Variants in CD226 observed in about 807,000 individuals in gnomAD.
CD226 encodes CD226 molecule.
Under a neutral mutation model 34.9 loss-of-function variants are expected in CD226, and 24 were observed. That is an observed-to-expected ratio of 0.69 (90% CI 0.50 to 0.97). The LOEUF (loss-of-function observed/expected upper bound fraction) is 0.97. Ranked by LOEUF, CD226 falls within the 50% of genes least tolerant of loss-of-function variation. CD226 has a pLI of 0.00. For missense variants in CD226, 397 were observed against 412.7 expected, an observed-to-expected ratio of 0.96 and a Z score of 0.33; for synonymous variants, 148 against 147.4, an observed-to-expected ratio of 1.00 and a Z score of -0.03.
chr18:69,864,152 A>G lies in CD226; in HGVS notation c.*162T>C. 4.8e-6 allele frequency: 3 copies of G among 624,662 alleles called. No homozygotes were observed. Among genetic ancestry groups the G allele is most frequent in the South Asian group, 4.3e-5 (2 of 46,774 alleles). 38.7% of individuals were successfully genotyped at this position (624,662 alleles called of 1,614,324 possible). On this transcript the variant is annotated 3_prime_UTR_variant, in exon 6 of 6. Transcript: ENST00000582621. ...GAGTCAGGTTTTCTGAAACAGTTCT[A>G]TGAAAAATGATTTTAGGTAATGAAG...
chr18:69,877,522 C>T (rs933128598), intron 3 of CD226, among the ~76,000 whole-genome samples: 1 of 152,150 alleles, frequency 6.6e-6, no homozygotes, highest in East Asian at 1.9e-4. Flanking sequence ...ATCATCTAAA[C>T]CCAGCAAGTC....
At chr18:69,928,535 G>A (rs555480759) in intron 2 of CD226, among the ~76,000 whole-genome samples, 1 of 152,250 alleles carries the variant, frequency 6.6e-6, no homozygotes, top group Admixed American at 6.5e-5. Context: ...CTGTTTTAGG[G>A]GTGGGACAAT....
intron 1 of CD226, among the ~76,000 whole-genome samples, chr18:69,956,074 C>T (rs1000788718): frequency 3.3e-5 from 5 of 152,138 alleles, no homozygotes; most frequent in Non-Finnish European, 7.3e-5. Flanking sequence ...TTCCAGTCAA[C>T]GCAAAGACTC....
At position 69,896,053 on chromosome 18, in the gene CD226, G is replaced by C; in HGVS notation, c.383-8C>G. The C allele has an allele frequency of 1.2e-6, 2 of 1,600,008 alleles. No homozygotes were observed. The highest frequency in any genetic ancestry group is 1.7e-6 in the Non-Finnish European group (2 of 1,175,172). On this transcript the variant is annotated splice_region_variant and splice_polypyrimidine_tract_variant and intron_variant, in intron 2 of 5. Transcript: ENST00000582621. ...CAGCTGCCTCAAAACTATCTGAAAA[G>C]AAGAAGCAAATGATTAGATACAGGT... is the stretch of plus-strand genomic sequence containing the variant.
chr18:69,958,355 A>ATTGTGATCACAATCCCAATTCCATC (rs2055912697), upstream of CD226, among the ~76,000 whole-genome samples: 1 of 152,138 alleles, frequency 6.6e-6, no homozygotes, highest in Admixed American at 6.5e-5. Flanking sequence ...AGGTTTCCAT[A>ATTGTGATCACAATCCCAATTCCATC]TTGTGATCAC....
At chr18:69,903,347 G>T (rs1245268930) in intron 2 of CD226, among the ~76,000 whole-genome samples, 2 of 152,156 alleles carry the variant, frequency 1.3e-5, no homozygotes, top group African/African-American at 4.8e-5. Flanking sequence ...GAGAATGCAA[G>T]CTCCTGCCTA....
At chr18:69,892,779 A>G (rs1040637717) in intron 3 of CD226, among the ~76,000 whole-genome samples, 6 of 151,312 alleles carry the variant, frequency 4.0e-5, no homozygotes, top group Non-Finnish European at 7.4e-5. Context: ...CTGTGTGTGC[A>G]TGTGTGTGTG....
At chr18:69,926,792 A>G (rs999068925) in intron 2 of CD226, among the ~76,000 whole-genome samples, 2 of 152,206 alleles carry the variant, frequency 1.3e-5, no homozygotes, top group East Asian at 3.8e-4. Flanking sequence ...CTTTCTATAC[A>G]TGAGTAAACT....
chr18:69,944,354 A>AT (rs1393374310), intron 2 of CD226: 1 of 152,138 alleles, frequency 6.6e-6, no homozygotes, highest in South Asian at 2.1e-4. Flanking sequence ...TCCACATTGT[A>AT]TTTTTTTAAG....
chr18:69,959,830 C>A (rs2055921276), upstream of CD226, among the ~76,000 whole-genome samples: 12 of 152,258 alleles, frequency 7.9e-5, no homozygotes, highest in South Asian at 2.5e-3. Context: ...CACAGCCAGG[C>A]ATGAGAGGGA....
At chr18:69,874,899 T>C (rs1204540805) in intron 3 of CD226, among the ~76,000 whole-genome samples, 1 of 152,220 alleles carries the variant, frequency 6.6e-6, no homozygotes, top group African/African-American at 2.4e-5. Context: ...CTGTCACACA[T>C]GATATGATTT....
intron 2 of CD226, among the ~76,000 whole-genome samples, chr18:69,929,736 C>A (rs553507594): frequency 6.6e-6 from 1 of 152,166 alleles, no homozygotes; most frequent in African/African-American, 2.4e-5. Context: ...AACCCCACTC[C>A]GGAGCTTCTC....
chr18:69,913,137 G>A (rs967605548), intron 2 of CD226, among the ~76,000 whole-genome samples: 7 of 152,112 alleles, frequency 4.6e-5, no homozygotes, highest in African/African-American at 9.7e-5. Flanking sequence ...GGGATGCGCC[G>A]TCATACCTGC....
chr18:69,932,686 G>T (rs2055603646), intron 2 of CD226, among the ~76,000 whole-genome samples: 1 of 152,206 alleles, frequency 6.6e-6, no homozygotes, highest in African/African-American at 2.4e-5. Context: ...CCACGCTTCA[G>T]TCCGTTCTCA....
chr18:69,896,897 T>G (rs561041551), intron 2 of CD226, among the ~76,000 whole-genome samples: 1 of 152,316 alleles, frequency 6.6e-6, no homozygotes. Flanking sequence ...CAATTCTTGA[T>G]ACCATGAAAG....
chr18:69,921,474 A>C (rs2055450386), intron 2 of CD226, among the ~76,000 whole-genome samples: 1 of 152,102 alleles, frequency 6.6e-6, no homozygotes, highest in Non-Finnish European at 1.5e-5. Context: ...ATTGGATTGT[A>C]AGCATCTCCA....
At chr18:69,958,788 AACACACACACACACACACACACAC>A (rs59835947), upstream of CD226, among the ~76,000 whole-genome samples, 28 of 143,706 alleles carry the variant, frequency 1.9e-4, no homozygotes, top group Admixed American at 9.0e-4. Flanking sequence ...TTCACAGGCA[AACACACACACACACACACACACAC>A]ACACACACAC....
At chr18:69,921,542 C>A (rs1478568740) in intron 2 of CD226, among the ~76,000 whole-genome samples, 1 of 152,104 alleles carries the variant, frequency 6.6e-6, no homozygotes, top group African/African-American at 2.4e-5. Flanking sequence ...ACCTTCCTAC[C>A]CAATCTCTTT....
At chr18:69,953,102 C>T (rs12967218) in intron 1 of CD226, among the ~76,000 whole-genome samples, 125,330 of 152,210 alleles carry the variant, frequency 0.82, 56,011 homozygotes, top group East Asian at 1. Context: ...CCCTTGTGTA[C>T]TGTTGCACAA....
Sources: allele counts gnomAD v4.1 joint callset (sites outside exome capture counted in the v4.1 genomes callset), GRCh38; gene constraint gnomAD v4.1.1; transcripts MANE v1.5; gene names NCBI Gene and HGNC (gene_info 2026-07-23, HGNC 2026-07-21).